IL17RC: variants seen among roughly 807,000 people sequenced by gnomAD.
IL17RC encodes interleukin 17 receptor C.
IL17RC carries 53 observed loss-of-function variants against 86.7 expected under a neutral mutation model. The ratio of observed to expected loss-of-function variants is 0.61; its 90% CI spans 0.49 to 0.77. IL17RC has a LOEUF of 0.77. IL17RC is among the 30% of genes least tolerant of loss of function. IL17RC has a pLI of 0.00. For missense variants in IL17RC, 957 were observed against 940.0 expected, an observed-to-expected ratio of 1.02 and a Z score of -0.24; for synonymous variants, 439 against 413.1, an observed-to-expected ratio of 1.06 and a Z score of -0.76.
In IL17RC at chr3:9,928,619, C is replaced by T. The variant is rs773903331; in HGVS notation, c.1099C>T (p.Leu367Phe). ...CCCATTGCTGAAAGGCCACCCTAAC[C>T]TCTGTGTTCAGGTCAGAAAGGGGTG... ...EFPLLKGHPN[L>F]CVQVNSSEKL... is the part of the protein sequence containing the mutation. Residue 367 changes from leucine (L) to phenylalanine (F), a missense_variant, in exon 12 of 19, where the codon CTC becomes TTC. By Grantham distance (22) the Leu-to-Phe change is conservative. Transcript: ENST00000403601. The T allele has an allele frequency of 1.2e-6, 2 of 1,613,644 alleles. No individual in the cohort carries two copies. The highest frequency in any genetic ancestry group is 2.7e-5 in the African/African-American group (2 of 74,912).
rs118119334 is a variant in IL17RC at position 9,928,757 on chromosome 3, C to T, written c.1110+127C>T. 3.9e-3 allele frequency: 3,742 copies of T among 971,818 alleles called. 92 individuals are homozygous for T. The East Asian group carries it at 0.058, about 15-fold the overall frequency. 60.2% of individuals were successfully genotyped at this position (971,818 alleles called of 1,614,324 possible). A position where few individuals can be genotyped will look rare whatever the true frequency, so the allele number is the denominator to read the frequency against. On this transcript the variant is annotated intron_variant, in intron 12 of 18. Coordinates refer to ENST00000403601, the MANE Select transcript of IL17RC (RefSeq NM_153460.4). The stretch of plus-strand genomic sequence containing the variant: ...AGCTTCCTCTATGGGAGTTCCACTG[C>T]CTACTTTAGTAGTGCGCGGGACCCT...
In IL17RC at chr3:9,928,590, A is replaced by G; in HGVS notation, c.1070A>G (p.Glu357Gly). 1 of 1,613,724 alleles carries G rather than the reference A, an allele frequency of 6.2e-7. No individual in the cohort carries two copies. Among genetic ancestry groups the G allele is most frequent in the Non-Finnish European group, 8.5e-7 (1 of 1,180,012 alleles). The change falls in exon 12 of 19, where the codon GAG (glutamate) becomes GGG (glycine). Residue 357 changes from glutamate (E) to glycine (G), a missense_variant. Coordinates refer to ENST00000403601, the MANE Select transcript of IL17RC (RefSeq NM_153460.4). ...WENVTVDKVL[E>G]FPLLKGHPNL... ...CCTCTCTTTCCACAGAAGGTTCTCG[A>G]GTTCCCATTGCTGAAAGGCCACCCT...
rs1255624883 is a variant in IL17RC at position 9,924,282 on chromosome 3, C to A, written c.813C>A (p.Leu271=). The stretch of plus-strand genomic sequence containing the variant: ...ACCACACAGACCTGGTTCCCTGCCT[C>A]TGTATTCAGGTAGGAGCAGAGTCTA... The part of the protein sequence containing the change: ...TLNHTDLVPC[L]CIQVWPLEPD... Residue 271 remains leucine (L), a synonymous_variant, in exon 9 of 19, where the codon CTC becomes CTA. Transcript: ENST00000403601. 2 of 1,613,994 alleles carry A rather than the reference C, an allele frequency of 1.2e-6. No individual in the cohort carries two copies. Among genetic ancestry groups the A allele is most frequent in the South Asian group, 2.2e-5 (2 of 91,070 alleles).
intron 8 of IL17RC, 105 bp downstream of exon 8, chr3:9,924,125 C>T: frequency 6.2e-7 from 1 of 1,608,808 alleles, no homozygotes; most frequent in Non-Finnish European, 8.5e-7. Flanking sequence ...TCACCCCAAG[C>T]AAGGGAAAAT....
chr3:9,931,306 T>C (rs2084633374), intron 16 of IL17RC, among the ~76,000 whole-genome samples: 1 of 151,256 alleles, frequency 6.6e-6, no homozygotes, highest in Non-Finnish European at 1.5e-5. Flanking sequence ...CCAGCAAAAC[T>C]CTGAAGACTG....
rs780471316 is a variant in IL17RC at position 9,930,898 on chromosome 3, T to C, written c.1342T>C (p.Trp448Arg). ...TGGTTCTGTTTGTATCTTACAGCTA[T>C]GGGACGATGACTTGGGAGCGCTATG... The part of the protein sequence containing the change: ...DLQSGQCLQL[W>R]DDDLGALWAC... Residue 448 changes from tryptophan to arginine, a missense_variant, in exon 16 of 19, where the codon TGG (tryptophan) becomes CGG (arginine). Transcript: ENST00000403601. This position sits in a 1 kb window ranked among gnomAD's most constrained non-coding sequence, Gnocchi z 5.8. The C allele has an allele frequency of 7.4e-6, 12 of 1,613,972 alleles. No homozygotes were observed. The South Asian group carries it at 1.1e-4, about 15-fold the overall frequency.
At position 9,923,936 on chromosome 3, in the gene IL17RC, T is replaced by A. The variant is rs1180663342; in HGVS notation, c.678T>A (p.Asn226Lys). The A allele has an allele frequency of 6.2e-7, 1 of 1,614,206 alleles. No individual in the cohort carries two copies. Among genetic ancestry groups the A allele is most frequent in the Admixed American group, 1.7e-5 (1 of 60,024 alleles). ...GTGACAACGTGCATCTGGTTCTGAA[T>A]GTCTCTGAGGAGCAGCACTTCGGCC... Reference protein sequence around the residue: ...ADGDNVHLVLNVSEEQHFGLS... With the variant: ...ADGDNVHLVLKVSEEQHFGLS... The change falls in exon 8 of 19, where the codon AAT becomes AAA. Residue 226 changes from asparagine (N) to lysine (K), a missense_variant. Asn to Lys is a moderately conservative substitution (Grantham distance 94). Transcript: ENST00000403601.
chr3:9,922,958 G>T (rs149772287), intron 7 of IL17RC, among the ~76,000 whole-genome samples: 41 of 149,674 alleles, frequency 2.7e-4, no homozygotes, highest in African/African-American at 9.8e-4. Context: ...GGCGGATCAC[G>T]AGGTCAGGAG....
At chr3:9,931,503 A>ATATATATATATG (rs2084690946) in intron 16 of IL17RC, among the ~76,000 whole-genome samples, 1 of 140,494 alleles carries the variant, frequency 7.1e-6, no homozygotes, top group Non-Finnish European at 1.5e-5. Flanking sequence ...ATATATATAT[A>ATATATATATATG]CTTATTTTTT....
At position 9,928,642 on chromosome 3, in the gene IL17RC, G is replaced by A; in HGVS notation, c.1110+12G>A. The A allele has an allele frequency of 1.2e-6, 2 of 1,613,578 alleles. No homozygotes were observed. Among genetic ancestry groups the A allele is most frequent in the South Asian group, 1.1e-5 (1 of 91,078 alleles). On this transcript the variant is annotated intron_variant, in intron 12 of 18. Transcript: ENST00000403601. Reference sequence around the variant, plus strand: ...ACCTCTGTGTTCAGGTCAGAAAGGGGTGCATAGTGCTGGGCTGGAGGCTGG... The same window carrying A: ...ACCTCTGTGTTCAGGTCAGAAAGGGATGCATAGTGCTGGGCTGGAGGCTGG...
At position 9,923,995 on chromosome 3, in the gene IL17RC, C is replaced by A. The variant is rs781692172; in HGVS notation, c.737C>A (p.Pro246Gln). The change falls in exon 8 of 19, where the codon CCA (proline) becomes CAA (glutamine). Residue 246 changes from proline to glutamine, a missense_variant. Transcript: ENST00000403601. ...SLYWNQVQGP[P>Q]KPRWHKNLTG... ...TACTGGAATCAGGTCCAGGGCCCCC[C>A]AAAACCCCGGTGGCACAAAAACCTG... 26 of 1,613,954 alleles carry A rather than the reference C, an allele frequency of 1.6e-5. No individual in the cohort carries two copies. The highest frequency in any genetic ancestry group is 1.3e-4 in the Admixed American group (8 of 60,006).
chr3:9,931,534 TCTCA>T (rs1251951176), intron 16 of IL17RC, among the ~76,000 whole-genome samples: 1 of 149,806 alleles, frequency 6.7e-6, no homozygotes, highest in Non-Finnish European at 1.5e-5. Context: ...TGAGGCAGAG[TCTCA>T]CTCTGTTGCC....
chr3:9,928,611 A>C lies in IL17RC; in HGVS notation c.1091A>C (p.His364Pro). The change falls in exon 12 of 19, where the codon CAC becomes CCC. Residue 364 changes from histidine (H) to proline (P), a missense_variant. His to Pro is a moderately conservative substitution (Grantham distance 77, BLOSUM62 -2). Coordinates refer to ENST00000403601, the MANE Select transcript of IL17RC (RefSeq NM_153460.4). Reference protein sequence around the residue: ...KVLEFPLLKGHPNLCVQVNSS... With the variant: ...KVLEFPLLKGPPNLCVQVNSS... ...CTCGAGTTCCCATTGCTGAAAGGCC[A>C]CCCTAACCTCTGTGTTCAGGTCAGA... 2 of 1,613,480 alleles carry C rather than the reference A, an allele frequency of 1.2e-6. No homozygotes were observed. Among genetic ancestry groups the C allele is most frequent in the East Asian group, 4.5e-5 (2 of 44,822 alleles).
chr3:9,932,398 T>C (rs1043651799), intron 16 of IL17RC, among the ~76,000 whole-genome samples: 6 of 151,984 alleles, frequency 3.9e-5, no homozygotes, highest in Non-Finnish European at 8.8e-5. Flanking sequence ...GGCTAATTTT[T>C]TGTATTTTTA....
chr3:9,917,252 T>G lies in IL17RC; in HGVS notation c.-64T>G, dbSNP rs2083152000. On this transcript the variant is annotated 5_prime_UTR_variant, in exon 1 of 19. Transcript: ENST00000403601. ...CCACAGACACGGGCTGACTGGGGTG[T>G]CTGCCCCCCTTGGGGGGGGGCAGCA... 2.3e-6 allele frequency: 3 copies of G among 1,302,624 alleles called. No homozygotes were observed. The highest frequency in any genetic ancestry group is 2.4e-5 in the East Asian group (1 of 41,982). The allele number at this position is 1,302,624 out of a possible 1,614,324, so 80.7% of individuals were successfully genotyped here. A position where few individuals can be genotyped will look rare whatever the true frequency, so the allele number is the denominator to read the frequency against.
Position 9,925,433 on chromosome 3 carries a change from T to C in IL17RC, c.822+1142T>C, listed in dbSNP as rs141753267. On this transcript the variant is annotated intron_variant, in intron 9 of 18. Coordinates refer to ENST00000403601, the MANE Select transcript of IL17RC (RefSeq NM_153460.4). The stretch of plus-strand genomic sequence containing the variant: ...GCCCAGCCGCTGATTGCACATTTAA[T>C]TGGTCATCAGGTCTCATCCATCTTA... 3.4e-4 allele frequency among the ~76,000 whole-genome samples: 52 copies of C among 152,250 alleles called. No homozygotes were observed. In the East Asian group the frequency reaches 9.4e-3, roughly 28 times the overall value.
chr3:9,919,998 T>A (rs1191506829), intron 5 of IL17RC, among the ~76,000 whole-genome samples: 2 of 152,048 alleles, frequency 1.3e-5, no homozygotes, highest in Non-Finnish European at 2.9e-5. Flanking sequence ...GAAGGTCTAT[T>A]TCCACTGGGG....
In IL17RC at chr3:9,933,273, T is replaced by G; in HGVS notation, c.1843T>G (p.Cys615Gly). The change falls in exon 19 of 19, where the codon TGC becomes GGC. Residue 615 changes from cysteine (C) to glycine (G), a missense_variant. Coordinates refer to ENST00000403601, the MANE Select transcript of IL17RC (RefSeq NM_153460.4). ...PHDAFRASLS[C>G]VLPDFLQGRA... ...CGACGCCTTCCGCGCCTCGCTCAGC[T>G]GCGTGCTGCCCGACTTCTTGCAGGG... 6.2e-7 allele frequency: 1 copy of G among 1,604,766 alleles called. No individual in the cohort carries two copies. Among genetic ancestry groups the G allele is most frequent in the Non-Finnish European group, 8.5e-7 (1 of 1,175,934 alleles).
chr3:9,922,187 G>A (rs951416028), intron 7 of IL17RC, among the ~76,000 whole-genome samples: 3 of 151,778 alleles, frequency 2.0e-5, no homozygotes, highest in Non-Finnish European at 2.9e-5. Context: ...TCCTGACCTC[G>A]TGATCCTCCC....
Sources: gnomAD v4.1 joint callset for allele counts (sites outside exome capture counted in the v4.1 genomes callset) on GRCh38, gnomAD v4.1.1 for gene constraint, Gnocchi (gnomAD v3.1) non-coding constraint, MANE v1.5 for transcripts, NCBI Gene and HGNC (gene_info 2026-07-23, HGNC 2026-07-21) for gene names.